The following NDRG4 variants were observed in gnomAD, a reference collection of about 807,000 sequenced individuals.
The protein encoded by NDRG4 is NDRG family member 4, also known as protein NDRG4.
In NDRG4, 38 loss-of-function variants were observed where a neutral mutation model predicts 55.8. The ratio of observed to expected loss-of-function variants is 0.68; its 90% CI spans 0.53 to 0.89. NDRG4 has a LOEUF of 0.89. Among genes scored for constraint, NDRG4 ranks in the 40% least tolerant of loss-of-function variants. The pLI, the probability that NDRG4 is intolerant of heterozygous loss-of-function variation, is 0.00. For synonymous variants in NDRG4, 190 were observed against 182.7 expected (o/e 1.04, Z -0.32); for missense variants, 455 against 468.6 (o/e 0.97, Z 0.27).
intron 1 of NDRG4, chr16:58,500,493 G>T: frequency 5.3e-6 from 3 of 571,266 alleles, no homozygotes; most frequent in Non-Finnish European, 9.0e-6. Flanking sequence ...GCCCATAGCA[G>T]GGGCTGGGGG....
At position 58,512,708 on chromosome 16, in the gene NDRG4, C is replaced by T. The variant is rs1421990747; in HGVS notation, c.*1132C>T. The T allele has an allele frequency of 2.0e-5, 3 of 153,566 alleles. No individual in the cohort carries two copies. The highest frequency in any genetic ancestry group is 7.2e-5 in the African/African-American group (3 of 41,446). The allele number at this position is 153,566 out of a possible 1,614,324, so 9.5% of individuals were successfully genotyped here. A position where few individuals can be genotyped will look rare whatever the true frequency, so the allele number is the denominator to read the frequency against. On this transcript the variant is annotated 3_prime_UTR_variant, in exon 15 of 15. Coordinates refer to ENST00000570248, the MANE Select transcript of NDRG4 (RefSeq NM_001242835.2). ...GGTCAGGTAGAAGAGAAAGGCTTCC[C>T]CTACACCCCAGCCTCCTGCTGTCCC...
chr16:58,501,107 G>GAGAGGC, intron 1 of NDRG4: 1 of 1,220,956 alleles, frequency 8.2e-7, no homozygotes, highest in Non-Finnish European at 1.0e-6. Context: ...CCTCAGGAGG[G>GAGAGGC]AGAGGCAGGG....
intron 8 of NDRG4, 199 bp from the exon 9 acceptor site, chr16:58,507,609 G>A: frequency 1.7e-6 from 1 of 587,162 alleles, no homozygotes; most frequent in Non-Finnish European, 3.0e-6. Context: ...GGCTCTGAGG[G>A]GGATAGAGAG....
chr16:58,469,304 G>A (rs567875029), intron 1 of NDRG4, among the ~76,000 whole-genome samples: 172 of 150,676 alleles, frequency 1.1e-3, no homozygotes, highest in Middle Eastern at 6.8e-3. Flanking sequence ...GTGGGGGCAC[G>A]TACATGGTTT....
At chr16:58,478,387 TA>T (rs771500758) in intron 1 of NDRG4, among the ~76,000 whole-genome samples, 110 of 67,084 alleles carry the variant, frequency 1.6e-3, no homozygotes, top group South Asian at 9.2e-3. Flanking sequence ...AGACTCCATC[TA>T]AAAAAAAAAA....
At chr16:58,482,198 T>C (rs2034481013) in intron 1 of NDRG4, among the ~76,000 whole-genome samples, 1 of 152,168 alleles carries the variant, frequency 6.6e-6, no homozygotes, top group South Asian at 2.1e-4. Context: ...GCCTGTGGCA[T>C]TTCTCATAAT....
At chr16:58,480,196 C>T (rs1349383731) in intron 1 of NDRG4, among the ~76,000 whole-genome samples, 3 of 152,358 alleles carry the variant, frequency 2.0e-5, no homozygotes, top group East Asian at 1.9e-4. Flanking sequence ...TCTAGGCTCA[C>T]TGCAACCTCT....
chr16:58,506,362 G>T, intron 5 of NDRG4, 25 bp from the exon 6 acceptor site: 1 of 1,610,748 alleles, frequency 6.2e-7, no homozygotes, highest in South Asian at 1.1e-5. Flanking sequence ...GGCCCCGCCC[G>T]GCCCTGTTTC....
chr16:58,474,978 C>T (rs2033424886), intron 1 of NDRG4, among the ~76,000 whole-genome samples: 1 of 152,206 alleles, frequency 6.6e-6, no homozygotes, highest in Non-Finnish European at 1.5e-5. Flanking sequence ...AATGTCATTC[C>T]TCAAATGCTA....
intron 1 of NDRG4, among the ~76,000 whole-genome samples, chr16:58,472,468 C>T (rs532759243): frequency 6.6e-6 from 1 of 152,316 alleles, no homozygotes; most frequent in South Asian, 2.1e-4. Context: ...ACGTAGGGCC[C>T]TCTGACCCCG....
Position 58,501,620 on chromosome 16 carries a change from A to G in NDRG4, c.21+1351A>G, listed in dbSNP as rs972537924. 3 of 197,328 alleles carry G rather than the reference A, an allele frequency of 1.5e-5. No individual in the cohort carries two copies. The Admixed American group carries it at 1.6e-4, about 10-fold the overall frequency. The allele number at this position is 197,328 out of a possible 1,614,324, so 12.2% of individuals were successfully genotyped here. On this transcript the variant is annotated intron_variant, in intron 1 of 14. Coordinates refer to ENST00000570248, the MANE Select transcript of NDRG4 (RefSeq NM_001242835.2). The stretch of plus-strand genomic sequence containing the variant: ...CTGAGCTCTCCGCAGAGGGTGAGAG[A>G]AGGCGTTAGGGAGGTTCGCAGCAGG...
In NDRG4 at chr16:58,513,127, T is replaced by C. The variant is rs2038967113; in HGVS notation, c.*1551T>C. 6.6e-6 allele frequency: 1 copy of C among 152,356 alleles called. No individual in the cohort carries two copies. Among genetic ancestry groups the C allele is most frequent in the East Asian group, 1.9e-4 (1 of 5,154 alleles). The allele number at this position is 152,356 out of a possible 1,614,324, so 9.4% of individuals were successfully genotyped here. A position where few individuals can be genotyped will look rare whatever the true frequency, so the allele number is the denominator to read the frequency against. On this transcript the variant is annotated 3_prime_UTR_variant, in exon 15 of 15. Transcript: ENST00000570248. ...CACTGCAAATCTTGGAATTTTGTTT[T>C]TTGCTGTTTCCAGATGTATCTATAA... is the stretch of plus-strand genomic sequence containing the variant.
chr16:58,474,087 A>AACAC, intron 1 of NDRG4, among the ~76,000 whole-genome samples: 1 of 122,816 alleles, frequency 8.1e-6, no homozygotes, highest in African/African-American at 3.3e-5. Context: ...CCCAGGCTGG[A>AACAC]GTCCAGTGGC....
At chr16:58,484,772 C>G (rs1456835542) in intron 1 of NDRG4, among the ~76,000 whole-genome samples, 1 of 152,050 alleles carries the variant, frequency 6.6e-6, no homozygotes, top group African/African-American at 2.4e-5. Flanking sequence ...CCCTGGCGTT[C>G]GCCCACCTCT....
At chr16:58,496,890 T>C (rs2036475620), upstream of NDRG4, 1 of 151,902 alleles carries the variant, frequency 6.6e-6, no homozygotes, top group Admixed American at 6.6e-5. Flanking sequence ...GTAAAGAGGG[T>C]ATTAAGAGAG....
chr16:58,499,979 G>A, upstream of NDRG4: 1 of 753,814 alleles, frequency 1.3e-6, no homozygotes, highest in Non-Finnish European at 2.0e-6. Context: ...CTGGGGCAAG[G>A]AGGACTTCAG....
rs961482852 is a variant in NDRG4, at chr16:58,510,718, C to A, written c.904+35C>A. The A allele has an allele frequency of 2.6e-6, 4 of 1,530,180 alleles. No homozygotes were observed. The African/African-American group carries it at 5.5e-5, about 21-fold the overall frequency. 94.8% of individuals were successfully genotyped at this position (1,530,180 alleles called of 1,614,324 possible). A position where few individuals can be genotyped will look rare whatever the true frequency, so the allele number is the denominator to read the frequency against. On this transcript the variant is annotated intron_variant, in intron 14 of 14. Coordinates refer to ENST00000570248, the MANE Select transcript of NDRG4 (RefSeq NM_001242835.2). ...CGGCCCTTCCCCTGATGCATGGACG[C>A]CCAGCCTCCTCCTCCCCCGCTCCTT... is the stretch of plus-strand genomic sequence containing the variant.
chr16:58,467,889 A>G (rs1048390547), intron 1 of NDRG4, among the ~76,000 whole-genome samples: 2 of 152,156 alleles, frequency 1.3e-5, no homozygotes, highest in Admixed American at 1.3e-4. Context: ...GCACTCCATC[A>G]CTGTGCTGGG....
chr16:58,475,454 A>G (rs112995548), intron 1 of NDRG4, among the ~76,000 whole-genome samples: 2,447 of 152,284 alleles, frequency 0.016, 74 homozygotes, highest in African/African-American at 0.055. Context: ...TTCTCTGGGA[A>G]AGCCCCACCC....
Sources: allele counts gnomAD v4.1 joint callset (sites outside exome capture counted in the v4.1 genomes callset), GRCh38; gene constraint gnomAD v4.1.1; transcripts MANE v1.5; gene names NCBI Gene and HGNC (gene_info 2026-07-23, HGNC 2026-07-21).